The following NCAM2 variants were observed in gnomAD, a reference collection of about 807,000 sequenced individuals.
The protein encoded by NCAM2 is N-CAM-2.
NCAM2 carries 30 observed loss-of-function variants against 98.1 expected under a neutral mutation model. The observed-to-expected ratio is 0.31, with a 90% CI of 0.23 to 0.41. NCAM2 has a LOEUF of 0.41. NCAM2 is among the 10% of genes least tolerant of loss of function. The pLI, the probability that NCAM2 is intolerant of heterozygous loss-of-function variation, is 1.00. For synonymous variants in NCAM2, 368 were observed against 342.4 expected (o/e 1.07, Z -0.83); for missense variants, 867 against 1,005.8 (o/e 0.86, Z 1.87).
At chr21:21,460,741 C>T (rs1281867796) in intron 12 of NCAM2, among the ~76,000 whole-genome samples, 1 of 151,720 alleles carries the variant, frequency 6.6e-6, no homozygotes, top group Non-Finnish European at 1.5e-5. Flanking sequence ...TCACAAGATC[C>T]TTATAATAAA....
In NCAM2 at chr21:21,410,302, A is replaced by C; in HGVS notation, c.1224A>C (p.Thr408=). The C allele has an allele frequency of 6.4e-7, 1 of 1,573,916 alleles. No individual in the cohort carries two copies. Among genetic ancestry groups the C allele is most frequent in the Non-Finnish European group, 8.6e-7 (1 of 1,160,802 alleles). ...EYAPKFISNQ[T]IYYSWEGNPI... ...CCCCCAAGTTTATATCAAACCAAAC[A>C]ATTTATTACTCTTGGGAAGGAAATC... The change falls in exon 10 of 18, where the codon ACA becomes ACC. Residue 408 remains threonine, a synonymous_variant. Coordinates refer to ENST00000400546, the MANE Select transcript of NCAM2 (RefSeq NM_004540.5).
At chr21:21,352,164 T>G (rs2075360006) in intron 8 of NCAM2, among the ~76,000 whole-genome samples, 1 of 151,468 alleles carries the variant, frequency 6.6e-6, no homozygotes, top group South Asian at 2.1e-4. Flanking sequence ...CCCCCCAGTC[T>G]CAAGCATCCT....
At chr21:21,394,642 C>A (rs1245583354) in intron 9 of NCAM2, among the ~76,000 whole-genome samples, 1 of 151,642 alleles carries the variant, frequency 6.6e-6, no homozygotes, top group Non-Finnish European at 1.5e-5. Flanking sequence ...GTGCCCGCCA[C>A]CACACCCGCT....
At chr21:21,398,370 T>A (rs988716601) in intron 9 of NCAM2, among the ~76,000 whole-genome samples, 2 of 151,904 alleles carry the variant, frequency 1.3e-5, no homozygotes, top group Non-Finnish European at 2.9e-5. Context: ...AAATAACTTA[T>A]CCTTAGAACC....
At chr21:21,059,633 G>A (rs1043247647) in intron 1 of NCAM2, among the ~76,000 whole-genome samples, 4 of 152,058 alleles carry the variant, frequency 2.6e-5, no homozygotes, top group African/African-American at 9.7e-5. Flanking sequence ...TTATTGACAA[G>A]TTAAAAATGG....
At chr21:21,323,340 T>C (rs2074426263) in intron 5 of NCAM2, among the ~76,000 whole-genome samples, 1 of 152,150 alleles carries the variant, frequency 6.6e-6, no homozygotes, top group Admixed American at 6.6e-5. Context: ...AAACTTGATT[T>C]ATTGTGTTTA....
intron 10 of NCAM2, among the ~76,000 whole-genome samples, chr21:21,414,569 A>G (rs914546566): frequency 2.7e-5 from 4 of 149,510 alleles, no homozygotes; most frequent in African/African-American, 9.9e-5. Context: ...TCCCGGGTTC[A>G]CACCATTCTC....
intron 8 of NCAM2, among the ~76,000 whole-genome samples, chr21:21,360,262 A>G (rs2075609348): frequency 6.6e-6 from 1 of 152,018 alleles, no homozygotes; most frequent in African/African-American, 2.4e-5. Flanking sequence ...ACATTTAAAA[A>G]AGATATATTC....
At chr21:21,504,723 T>C (rs991766808) in intron 15 of NCAM2, among the ~76,000 whole-genome samples, 1 of 151,698 alleles carries the variant, frequency 6.6e-6, no homozygotes, top group African/African-American at 2.4e-5. Context: ...TTAATATATA[T>C]ATAATATGTA....
At chr21:21,508,010 A>G (rs1988101676) in intron 15 of NCAM2, among the ~76,000 whole-genome samples, 1 of 152,124 alleles carries the variant, frequency 6.6e-6, no homozygotes, top group Non-Finnish European at 1.5e-5. Flanking sequence ...CACGTGATTC[A>G]TCTTCATTAC....
At chr21:21,259,156 C>A (rs2071792403) in intron 1 of NCAM2, among the ~76,000 whole-genome samples, 1 of 152,084 alleles carries the variant, frequency 6.6e-6, no homozygotes, top group Admixed American at 6.5e-5. Flanking sequence ...CTTGGACTTA[C>A]AAAAAGAGTG....
intron 1 of NCAM2, among the ~76,000 whole-genome samples, chr21:21,265,355 T>G (rs1353254924): frequency 9.3e-6 from 1 of 107,906 alleles, no homozygotes; most frequent in African/African-American, 3.4e-5. Context: ...TGTATGTATA[T>G]ATTATATTAT....
intron 1 of NCAM2, among the ~76,000 whole-genome samples, chr21:21,151,902 T>C (rs944958217): frequency 6.6e-6 from 1 of 152,054 alleles, no homozygotes; most frequent in Non-Finnish European, 1.5e-5. Context: ...TTTTAATTCT[T>C]GATTTTTAGA....
At chr21:20,998,676 G>A (rs2063964393) in intron 1 of NCAM2, 58 bp downstream of exon 1, 2 of 1,484,636 alleles carry the variant, frequency 1.3e-6, no homozygotes, top group Admixed American at 3.4e-5. Context: ...CCGGCCAAGA[G>A]AGGCAAAGAG....
At chr21:21,128,338 G>A (rs1483684373) in intron 1 of NCAM2, among the ~76,000 whole-genome samples, 1 of 152,010 alleles carries the variant, frequency 6.6e-6, no homozygotes, top group Non-Finnish European at 1.5e-5. Context: ...GGTATTCACA[G>A]GAAATTTGTC....
chr21:21,226,122 C>G (rs1039171386), intron 1 of NCAM2, among the ~76,000 whole-genome samples: 2 of 151,856 alleles, frequency 1.3e-5, no homozygotes, highest in African/African-American at 4.8e-5. Flanking sequence ...CACACAGACA[C>G]AAAGATGGGA....
intron 1 of NCAM2, among the ~76,000 whole-genome samples, chr21:21,195,287 GA>G: frequency 6.6e-6 from 1 of 152,180 alleles, no homozygotes; most frequent in South Asian, 2.1e-4. Context: ...GAATAAAGGG[GA>G]AAAATCTGAA....
chr21:21,157,095 C>T (rs1345337834), intron 1 of NCAM2, among the ~76,000 whole-genome samples: 2 of 152,012 alleles, frequency 1.3e-5, no homozygotes, highest in Non-Finnish European at 2.9e-5. Context: ...AGATGCCTGC[C>T]ACGTGTTCCT....
At chr21:21,479,464 G>A (rs146624109) in intron 15 of NCAM2, among the ~76,000 whole-genome samples, 2,297 of 151,180 alleles carry the variant, frequency 0.015, 30 homozygotes, top group Non-Finnish European at 0.022. Context: ...GACGCCTGTA[G>A]TCCCAGCTAC....
Sources: gnomAD v4.1 joint callset for allele counts (sites outside exome capture counted in the v4.1 genomes callset) on GRCh38, gnomAD v4.1.1 for gene constraint, MANE v1.5 for transcripts, NCBI Gene and HGNC (gene_info 2026-07-23, HGNC 2026-07-21) for gene names.